ASTN2: variants seen among roughly 807,000 people sequenced by gnomAD.
ASTN2 encodes the protein astrotactin 2.
Under a neutral mutation model 139.8 loss-of-function variants are expected in ASTN2, and 54 were observed. The ratio of observed to expected loss-of-function variants is 0.39; its 90% CI spans 0.31 to 0.48. The LOEUF (loss-of-function observed/expected upper bound fraction) is 0.48. ASTN2 is among the 20% of genes least tolerant of loss of function. The pLI is 0.95. For synonymous variants in ASTN2, 756 were observed against 719.5 expected, an observed-to-expected ratio of 1.05 and a Z score of -0.81; for missense variants, 1,565 against 1,725.1, an observed-to-expected ratio of 0.91 and a Z score of 1.64.
In ASTN2 at chr9:117,211,578, C is replaced by T. The variant is rs144504407; in HGVS notation, c.1015+2780G>A. 9.1e-3 allele frequency among the ~76,000 whole-genome samples: 1,392 copies of T among 152,212 alleles called. 20 individuals are homozygous for T. The highest frequency in any genetic ancestry group is 0.032 in the African/African-American group (1,338 of 41,524). On this transcript the variant is annotated intron_variant, in intron 3 of 22. Transcript: ENST00000313400. ...GTTTCCTGAGGCCTCCCCAACCGTG[C>T]CTCCTGTATAGCTGTGAAATTGTGA...
intron 13 of ASTN2, among the ~76,000 whole-genome samples, chr9:116,758,465 A>C (rs890292171): frequency 1.3e-5 from 2 of 152,090 alleles, no homozygotes; most frequent in East Asian, 3.9e-4. Context: ...TTTGGAGGAC[A>C]CCCAGGCTAA....
intron 16 of ASTN2, among the ~76,000 whole-genome samples, chr9:116,660,230 A>G (rs1358143355): frequency 6.6e-6 from 1 of 152,138 alleles, no homozygotes; most frequent in African/African-American, 2.4e-5. Context: ...GAAAAGCAAC[A>G]GTGGAGATTC....
intron 10 of ASTN2, among the ~76,000 whole-genome samples, chr9:116,938,643 A>G (rs990399491): frequency 3.3e-5 from 5 of 152,220 alleles, no homozygotes; most frequent in Non-Finnish European, 5.9e-5. Context: ...CCTGGAGATC[A>G]TGGCCAGCCC....
At chr9:116,574,416 T>C (rs1259483492) in intron 19 of ASTN2, among the ~76,000 whole-genome samples, 3 of 152,174 alleles carry the variant, frequency 2.0e-5, no homozygotes, top group Non-Finnish European at 2.9e-5. Flanking sequence ...CCAGACCTGC[T>C]CATAACTGTT....
At chr9:117,203,213 G>A (rs1366241391) in intron 3 of ASTN2, among the ~76,000 whole-genome samples, 1 of 151,750 alleles carries the variant, frequency 6.6e-6, no homozygotes, top group African/African-American at 2.4e-5. Flanking sequence ...CTCTAAACTG[G>A]TTACTCTAGT....
chr9:117,233,007 C>A (rs911123515), intron 2 of ASTN2, among the ~76,000 whole-genome samples: 8 of 152,088 alleles, frequency 5.3e-5, no homozygotes, highest in Non-Finnish European at 1.0e-4. Context: ...ACTTCCTTCC[C>A]TGGCTCTGCC....
At chr9:116,571,715 G>C (rs909777162) in intron 19 of ASTN2, among the ~76,000 whole-genome samples, 1 of 152,168 alleles carries the variant, frequency 6.6e-6, no homozygotes, top group Non-Finnish European at 1.5e-5. Context: ...GTCATGTGTT[G>C]AGTACAAGCT....
intron 2 of ASTN2, among the ~76,000 whole-genome samples, chr9:117,256,166 C>T (rs1833680532): frequency 2.0e-5 from 3 of 152,128 alleles, no homozygotes; most frequent in Admixed American, 6.5e-5. Context: ...GAAGGAGTTG[C>T]AGAGCTCAAC....
chr9:116,770,104 A>T (rs747340786), intron 13 of ASTN2, among the ~76,000 whole-genome samples: 3 of 38,772 alleles, frequency 7.7e-5, no homozygotes, highest in Non-Finnish European at 1.6e-4. Flanking sequence ...TCTGAGAGTT[A>T]AAAAAAAAAA....
chr9:117,069,353 A>G (rs200009891), intron 5 of ASTN2, among the ~76,000 whole-genome samples: 6,517 of 69,420 alleles, frequency 0.094, 44 homozygotes, highest in East Asian at 0.13. Context: ...TTCTAGTTTG[A>G]TTGCCCTGTG....
intron 6 of ASTN2, among the ~76,000 whole-genome samples, chr9:117,017,147 G>T (rs1837737923): frequency 6.6e-6 from 1 of 151,992 alleles, no homozygotes; most frequent in South Asian, 2.1e-4. Context: ...AATGGGAAAA[G>T]AATAAAGTCA....
chr9:117,258,710 A>G (rs1469470443), intron 2 of ASTN2, among the ~76,000 whole-genome samples: 1 of 152,130 alleles, frequency 6.6e-6, no homozygotes, highest in Non-Finnish European at 1.5e-5. Flanking sequence ...CACAGCCACA[A>G]CAAACCACTT....
At chr9:117,207,283 A>G (rs1183060630) in intron 3 of ASTN2, among the ~76,000 whole-genome samples, 2 of 152,030 alleles carry the variant, frequency 1.3e-5, no homozygotes, top group Admixed American at 6.5e-5. Flanking sequence ...GCCACCACCC[A>G]CAGAAACGCC....
intron 4 of ASTN2, among the ~76,000 whole-genome samples, chr9:117,111,439 A>T (rs1293992703): frequency 6.6e-6 from 1 of 151,414 alleles, no homozygotes; most frequent in Non-Finnish European, 1.5e-5. Context: ...TATAAAATAA[A>T]AAAAAAAACA....
At chr9:116,810,034 A>T (rs1261639084) in intron 12 of ASTN2, among the ~76,000 whole-genome samples, 1 of 152,182 alleles carries the variant, frequency 6.6e-6, no homozygotes, top group Admixed American at 6.5e-5. Flanking sequence ...ATTCTACAGG[A>T]TGGAGGAAGA....
intron 16 of ASTN2, among the ~76,000 whole-genome samples, chr9:116,683,229 G>A (rs1027162026): frequency 3.3e-5 from 5 of 151,830 alleles, no homozygotes; most frequent in African/African-American, 4.8e-5. Flanking sequence ...TATTAGAATC[G>A]AGGAAAAACT....
At chr9:117,205,583 CT>C (rs35583178) in intron 3 of ASTN2, among the ~76,000 whole-genome samples, 1 of 152,070 alleles carries the variant, frequency 6.6e-6, no homozygotes, top group Non-Finnish European at 1.5e-5. Context: ...AAAAAACCTA[CT>C]TTTTAAAAAG....
At chr9:116,715,687 C>A (rs1828292420) in intron 16 of ASTN2, among the ~76,000 whole-genome samples, 1 of 152,184 alleles carries the variant, frequency 6.6e-6, no homozygotes, top group African/African-American at 2.4e-5. Flanking sequence ...AAAATCTGTT[C>A]ACCTATTAGT....
Position 116,733,503 on chromosome 9 carries a change from T to A in ASTN2, c.2417A>T (p.Asp806Val). ...MTFRENNFIKDFPQLADGLLV... is the reference protein window; with the variant it reads ...MTFRENNFIKVFPQLADGLLV... ...CAGCCCATCGGCCAGCTGGGGAAAG[T>A]CCTTGATGAAGTTGTTCTCCCTGTG... Residue 806 changes from aspartate to valine, a missense_variant, in exon 14 of 23, where the codon GAC becomes GTC. Coordinates refer to ENST00000313400, the MANE Select transcript of ASTN2 (RefSeq NM_001365068.1). The A allele has an allele frequency of 1.2e-6, 2 of 1,614,146 alleles. No individual in the cohort carries two copies. The highest frequency in any genetic ancestry group is 1.7e-6 in the Non-Finnish European group (2 of 1,180,018).
Sources: allele counts gnomAD v4.1 joint callset (sites outside exome capture counted in the v4.1 genomes callset), GRCh38; gene constraint gnomAD v4.1.1; transcripts MANE v1.5; gene names NCBI Gene and HGNC (gene_info 2026-07-23, HGNC 2026-07-21).